Variants in SEC11A observed in about 807,000 individuals in gnomAD.
SEC11A encodes signal peptidase complex catalytic subunit SEC11A.
Under a neutral mutation model 25.6 loss-of-function variants are expected in SEC11A, and 14 were observed. The ratio of observed to expected loss-of-function variants is 0.55; its 90% CI spans 0.36 to 0.85. SEC11A has a LOEUF of 0.85. Among genes scored for constraint, SEC11A ranks in the 40% least tolerant of loss-of-function variants. The probability of loss-of-function intolerance (pLI) is 0.01; values close to 1 mark genes in which losing one functional copy is unlikely to be tolerated. For synonymous variants in SEC11A, 83 were observed against 76.4 expected, an observed-to-expected ratio of 1.09 and a Z score of -0.45; for missense variants, 153 against 222.9, an observed-to-expected ratio of 0.69 and a Z score of 2.00.
At chr15:84,705,289 T>C (rs1241329583) in intron 1 of SEC11A, among the ~76,000 whole-genome samples, 1 of 152,180 alleles carries the variant, frequency 6.6e-6, no homozygotes, top group Non-Finnish European at 1.5e-5. Context: ...TTACTTATAT[T>C]AGATTTTCCC....
chr15:84,692,686 T>C (rs1261854079), intron 1 of SEC11A, among the ~76,000 whole-genome samples: 1 of 152,014 alleles, frequency 6.6e-6, no homozygotes, highest in Non-Finnish European at 1.5e-5. Flanking sequence ...CTGGAAAAAG[T>C]ATAGAGAGGA....
rs745746914 is a variant in SEC11A at position 84,670,085 on chromosome 15, A to G, written c.490-16T>C. ...GAACTGCATACTAGAAAATAAACAC[A>G]GAACCACAAGTCAGAGAAGCGTTGA... On this transcript the variant is annotated splice_polypyrimidine_tract_variant and intron_variant, in intron 5 of 5. Coordinates refer to ENST00000268220, the MANE Select transcript of SEC11A (RefSeq NM_014300.4). 2.5e-6 allele frequency: 4 copies of G among 1,611,252 alleles called. No individual in the cohort carries two copies. The highest frequency in any genetic ancestry group is 1.7e-5 in the Admixed American group (1 of 59,606).
chr15:84,691,810 AG>A (rs1897615618), intron 1 of SEC11A, among the ~76,000 whole-genome samples, 166 bp from the exon 2 acceptor site: 1 of 152,176 alleles, frequency 6.6e-6, no homozygotes. Flanking sequence ...AGATCAAAAC[AG>A]GCCCCCCTTC....
chr15:84,680,035 AT>A lies in SEC11A; in HGVS notation c.431+677del. On this transcript the variant is annotated intron_variant, in intron 4 of 5. Transcript: ENST00000268220. Reference sequence around the variant, plus strand: ...AACCTCATCAATTTCAAGACTAGAAATATTATGGATTAAATTAACATGATAA... The same window carrying A: ...AACCTCATCAATTTCAAGACTAGAAAATTATGGATTAAATTAACATGATAA... 3 of 1,026,602 alleles carry A rather than the reference AT, an allele frequency of 2.9e-6. No homozygotes were observed. The South Asian group carries it at 4.3e-5, about 15-fold the overall frequency. The allele number at this position is 1,026,602 out of a possible 1,614,324, so 63.6% of individuals were successfully genotyped here.
chr15:84,715,122 G>A (rs1898417512), intron 1 of SEC11A, among the ~76,000 whole-genome samples: 1 of 152,050 alleles, frequency 6.6e-6, no homozygotes, highest in Admixed American at 6.6e-5. Flanking sequence ...ACTTCCCTAA[G>A]TGGCAGTTAT....
intron 3 of SEC11A, among the ~76,000 whole-genome samples, chr15:84,684,493 T>C (rs1206455113): frequency 6.6e-6 from 1 of 152,144 alleles, no homozygotes; most frequent in Non-Finnish European, 1.5e-5. Flanking sequence ...ATTAAACCTC[T>C]TTCCTTTATA....
At chr15:84,715,005 CAT>C (rs1333547147) in intron 1 of SEC11A, 1 of 152,020 alleles carries the variant, frequency 6.6e-6, no homozygotes, top group African/African-American at 2.4e-5. Flanking sequence ...GTCATAAAGA[CAT>C]AAAGTAACGT....
At chr15:84,687,894 A>G (rs928011196) in intron 2 of SEC11A, 120 bp from the exon 3 acceptor site, 2 of 775,856 alleles carry the variant, frequency 2.6e-6, no homozygotes, top group African/African-American at 1.8e-5. Flanking sequence ...TACCCTAACA[A>G]CTATATCAAC....
In SEC11A at chr15:84,669,890, T is replaced by C. The variant is rs1896934615; in HGVS notation, c.*129A>G. On this transcript the variant is annotated 3_prime_UTR_variant, in exon 6 of 6. Coordinates refer to ENST00000268220, the MANE Select transcript of SEC11A (RefSeq NM_014300.4). ...ACTCTGGCATGGAAACATAAACTAATGCAAACCAGTGCTACCCAGAAGCAC... is the reference window on the plus strand; with the variant it reads ...ACTCTGGCATGGAAACATAAACTAACGCAAACCAGTGCTACCCAGAAGCAC... 9 of 1,548,094 alleles carry C rather than the reference T, an allele frequency of 5.8e-6. No individual in the cohort carries two copies. In the South Asian group the frequency reaches 6.0e-5, roughly 10 times the overall value.
intron 2 of SEC11A, among the ~76,000 whole-genome samples, chr15:84,688,065 C>A (rs1392491568): frequency 6.6e-6 from 1 of 152,096 alleles, no homozygotes; most frequent in Admixed American, 6.6e-5. Flanking sequence ...ATTCCTTAAC[C>A]TTTTAAAATT....
At chr15:84,687,315 GA>G (rs894071332) in intron 3 of SEC11A, among the ~76,000 whole-genome samples, 5 of 152,168 alleles carry the variant, frequency 3.3e-5, no homozygotes, top group Admixed American at 3.3e-4. Flanking sequence ...TGCCCAACCA[GA>G]AGATTCTATT....
chr15:84,693,942 G>C (rs2141899894), intron 1 of SEC11A, among the ~76,000 whole-genome samples: 2 of 152,280 alleles, frequency 1.3e-5, no homozygotes, highest in African/African-American at 4.8e-5. Flanking sequence ...ACACACATAA[G>C]TATACATAGA....
intron 1 of SEC11A, chr15:84,691,932 T>C (rs556312630): frequency 1.4e-5 from 3 of 213,310 alleles, no homozygotes; most frequent in Non-Finnish European, 2.8e-5. Context: ...TTGGGCTCCA[T>C]AATCATTCAG....
intron 2 of SEC11A, among the ~76,000 whole-genome samples, chr15:84,688,925 G>A (rs185276028): frequency 5.3e-5 from 8 of 152,096 alleles, no homozygotes; most frequent in Admixed American, 4.6e-4. Context: ...CAGCTACTCA[G>A]GAGGCTGACG....
In SEC11A at chr15:84,695,088, T is replaced by TAAAA. The variant is rs55789527; in HGVS notation, c.52-3448_52-3445dup. ...CTGGGCGACACAGCAAGACTCCATC[T>TAAAA]AAAAAAAAAAAAAAAAAAAAAAAAA... On this transcript the variant is annotated intron_variant, in intron 1 of 5. Coordinates refer to ENST00000268220, the MANE Select transcript of SEC11A (RefSeq NM_014300.4). Among the ~76,000 whole-genome samples the TAAAA allele has an allele frequency of 1.1e-3, 30 of 26,942 alleles. 2 individuals are homozygous for TAAAA. The highest frequency in any genetic ancestry group is 4.8e-3 in the African/African-American group (20 of 4,188). The allele number at this position is 26,942 out of a possible 152,430, so 17.7% of individuals were successfully genotyped here. A position where few individuals can be genotyped will look rare whatever the true frequency, so the allele number is the denominator to read the frequency against.
intron 3 of SEC11A, among the ~76,000 whole-genome samples, chr15:84,681,484 G>C (rs1313945750): frequency 6.6e-6 from 1 of 152,070 alleles, no homozygotes; most frequent in Non-Finnish European, 1.5e-5. Context: ...ACAAAAATAA[G>C]CTGGGCATGG....
intron 4 of SEC11A, chr15:84,671,869 C>G (rs1182267726): frequency 6.6e-6 from 1 of 152,222 alleles, no homozygotes; most frequent in Non-Finnish European, 1.5e-5. Flanking sequence ...CAAAAGACTA[C>G]TTTGACATCA....
At chr15:84,671,692 G>C (rs1198973349) in intron 4 of SEC11A, 1 of 152,204 alleles carries the variant, frequency 6.6e-6, no homozygotes, top group East Asian at 1.9e-4. Context: ...AGGCAACAAT[G>C]ATGCCTATCT....
At chr15:84,673,266 A>C (rs1897047121) in intron 4 of SEC11A, 1 of 211,532 alleles carries the variant, frequency 4.7e-6, no homozygotes, top group Non-Finnish European at 9.3e-6. Context: ...CCAACAGCTC[A>C]TTGAGAACGG....
Sources: allele counts gnomAD v4.1 joint callset (sites outside exome capture counted in the v4.1 genomes callset), GRCh38; gene constraint gnomAD v4.1.1; transcripts MANE v1.5; gene names NCBI Gene and HGNC (gene_info 2026-07-23, HGNC 2026-07-21).